SHPRH: variants seen among roughly 807,000 people sequenced by gnomAD.
SHPRH encodes SNF2 histone linker PHD RING helicase.
SHPRH carries 106 observed loss-of-function variants against 202.5 expected under a neutral mutation model. The observed-to-expected ratio is 0.52, with a 90% CI of 0.45 to 0.62. The LOEUF is 0.62. SHPRH is among the 20% of genes least tolerant of loss of function. The pLI is 0.00. For synonymous variants in SHPRH, 729 were observed against 686.0 expected (o/e 1.06, Z -0.98); for missense variants, 1,710 against 2,020.0 (o/e 0.85, Z 2.94).
chr6:145,859,517 C>A (rs1583236590), downstream of SHPRH, among the ~76,000 whole-genome samples: 1 of 151,920 alleles, frequency 6.6e-6, no homozygotes, highest in South Asian at 2.1e-4. Context: ...ATAAAATTGT[C>A]TGCTTTACAA....
At chr6:145,945,956 C>T (rs924305403) in intron 7 of SHPRH, among the ~76,000 whole-genome samples, 1 of 152,032 alleles carries the variant, frequency 6.6e-6, no homozygotes, top group Non-Finnish European at 1.5e-5. Flanking sequence ...GCGAAACATT[C>T]ATTTCCTAAA....
chr6:145,933,293 T>A, intron 13 of SHPRH, 115 bp from the exon 14 acceptor site: 1 of 1,459,692 alleles, frequency 6.9e-7, no homozygotes, highest in Non-Finnish European at 9.2e-7. Flanking sequence ...TTTTGTGGTA[T>A]CTCTAGCATT....
At chr6:145,872,840 A>G (rs1780115512) in intron 2 of SHPRH, among the ~76,000 whole-genome samples, 1 of 152,262 alleles carries the variant, frequency 6.6e-6, no homozygotes. Context: ...ACAACATGGA[A>G]TACTATGCAG....
Position 145,951,164 on chromosome 6 carries a change from GA to G in SHPRH, c.764-683del, listed in dbSNP as rs1231727097. ...TGGTGGGCACAATTGTTCTGTGGAA[GA>G]AGATTTATACTTACTATAACATGAA... On this transcript the variant is annotated intron_variant, in intron 3 of 29. Transcript: ENST00000275233. 2.0e-4 allele frequency among the ~76,000 whole-genome samples: 30 copies of G among 152,132 alleles called. No individual in the cohort carries two copies. In the East Asian group the frequency reaches 5.8e-3, roughly 29 times the overall value.
chr6:145,867,617 T>TAG (rs1562268434), intron 2 of SHPRH, among the ~76,000 whole-genome samples: 1 of 69,198 alleles, frequency 1.4e-5, no homozygotes, highest in Non-Finnish European at 2.6e-5. Flanking sequence ...TATATATATA[T>TAG]ATATATATAT....
At chr6:145,948,234 T>C (rs772456761) in intron 5 of SHPRH, 38 bp downstream of exon 5, 3 of 1,439,846 alleles carry the variant, frequency 2.1e-6, no homozygotes, top group Non-Finnish European at 2.8e-6. Context: ...ATTATATTTA[T>C]TTTTTAAATC....
rs536066678 is a variant in SHPRH, at chr6:145,896,383, C to T, written c.4516-1406G>A. Among the ~76,000 whole-genome samples, 12 of 152,160 alleles carry T rather than the reference C, an allele frequency of 7.9e-5. No individual in the cohort carries two copies. In the East Asian group the frequency reaches 2.3e-3, roughly 29 times the overall value. ...TCCTTGCAAGGTCTTACTTTTAAAA[C>T]TATTTCAAGTGAAATACCAGGAAAA... is the stretch of plus-strand genomic sequence containing the variant. On this transcript the variant is annotated intron_variant, in intron 25 of 29. Coordinates refer to ENST00000275233, the MANE Select transcript of SHPRH (RefSeq NM_001042683.3).
At chr6:145,888,235 G>A in intron 28 of SHPRH, 135 bp from the exon 29 acceptor site, 1 of 582,834 alleles carries the variant, frequency 1.7e-6, no homozygotes, top group South Asian at 2.3e-5. Flanking sequence ...GGGTTCAGCA[G>A]CGAATAAAAT....
chr6:145,945,102 T>C (rs899047029), intron 8 of SHPRH, among the ~76,000 whole-genome samples: 27 of 152,134 alleles, frequency 1.8e-4, no homozygotes, highest in African/African-American at 5.3e-4. Context: ...TACTCTATAA[T>C]ACGCTTAGCC....
In SHPRH at chr6:145,950,425, T is replaced by C. The variant is rs763248258; in HGVS notation, c.821A>G (p.Asp274Gly). 2.7e-5 allele frequency: 43 copies of C among 1,613,144 alleles called. No individual in the cohort carries two copies. Among genetic ancestry groups the C allele is most frequent in the Admixed American group, 3.3e-5 (2 of 59,920 alleles). Residue 274 changes from aspartate (D) to glycine (G), a missense_variant, in exon 4 of 30, where the codon GAC becomes GGC. Around this residue, in one of 8 missense-constraint regions of SHPRH, gnomAD observed 459 missense variants for 426.5 expected, o/e 1.08. Transcript: ENST00000275233. ...TTGTTTCACAAAGTGATACAGCTCGTCAATGTCTTGTCCCTCTGGCTCACT... is the reference window on the plus strand; with the variant it reads ...TTGTTTCACAAAGTGATACAGCTCGCCAATGTCTTGTCCCTCTGGCTCACT... ...PESEPEGQDI[D>G]ELYHFVKQTH...
At chr6:145,925,124 A>G (rs551520752) in intron 16 of SHPRH, among the ~76,000 whole-genome samples, 6 of 151,714 alleles carry the variant, frequency 4.0e-5, no homozygotes, top group Non-Finnish European at 8.8e-5. Flanking sequence ...TAGAATAAGC[A>G]AAGAGGGGAA....
At chr6:145,873,886 G>A (rs992703366) in intron 2 of SHPRH, among the ~76,000 whole-genome samples, 1 of 152,154 alleles carries the variant, frequency 6.6e-6, no homozygotes, top group African/African-American at 2.4e-5. Flanking sequence ...GTGATATTAT[G>A]TTAGTATTAT....
intron 28 of SHPRH, 22 bp downstream of exon 28, chr6:145,893,193 T>A: frequency 6.7e-7 from 1 of 1,494,288 alleles, no homozygotes; most frequent in Non-Finnish European, 8.9e-7. Flanking sequence ...CAAATGTGAC[T>A]GATTCTAATT....
chr6:145,894,052 T>C, intron 27 of SHPRH, 98 bp downstream of exon 27: 1 of 788,636 alleles, frequency 1.3e-6, no homozygotes, highest in South Asian at 2.3e-5. Flanking sequence ...TTATGTGGCT[T>C]ATATGGCATG....
In SHPRH at chr6:145,918,269, C is replaced by T. The variant is rs1393481926; in HGVS notation, c.4153-37G>A. 5 of 1,296,580 alleles carry T rather than the reference C, an allele frequency of 3.9e-6. No homozygotes were observed. The African/African-American group carries it at 6.1e-5, about 16-fold the overall frequency. The allele number at this position is 1,296,580 out of a possible 1,614,324, so 80.3% of individuals were successfully genotyped here. ...AAAAATAAAAACTTCTTTATTCTTT[C>T]AGAAAGACAGTTAAATTATATTAAA... On this transcript the variant is annotated intron_variant, in intron 22 of 29. Transcript: ENST00000275233.
At chr6:145,918,572 C>G (rs1218231417) in intron 22 of SHPRH, 2 of 155,818 alleles carry the variant, frequency 1.3e-5, no homozygotes, top group African/African-American at 4.8e-5. Context: ...ATCTGTTGCT[C>G]TGGCCTCAGT....
intron 28 of SHPRH, among the ~76,000 whole-genome samples, chr6:145,888,604 T>C (rs1781314677): frequency 6.6e-6 from 1 of 152,146 alleles, no homozygotes; most frequent in Non-Finnish European, 1.5e-5. Context: ...TTCCAGGATG[T>C]GACCAAGCAT....
chr6:145,921,121 A>G (rs902434314), intron 21 of SHPRH, 46 bp downstream of exon 21: 5 of 1,530,408 alleles, frequency 3.3e-6, no homozygotes, highest in East Asian at 2.3e-5. Flanking sequence ...ATTGATGTAA[A>G]AAAGAAGAAT....
At chr6:145,942,623 T>C (rs1013257929) in intron 9 of SHPRH, among the ~76,000 whole-genome samples, 2 of 152,218 alleles carry the variant, frequency 1.3e-5, no homozygotes, top group Admixed American at 1.3e-4. Flanking sequence ...TGCCCAGTAC[T>C]TGACAAAATC....
Sources: gnomAD v4.1 joint callset for allele counts (sites outside exome capture counted in the v4.1 genomes callset) on GRCh38, gnomAD v4.1.1 for gene constraint, gnomAD v4.1.1 regional missense constraint, MANE v1.5 for transcripts, NCBI Gene and HGNC (gene_info 2026-07-23, HGNC 2026-07-21) for gene names.